AFDN: variants seen among roughly 807,000 people sequenced by gnomAD.
AFDN encodes the protein afadin, adherens junction formation factor, also known as afadin.
Under a neutral mutation model 216.6 loss-of-function variants are expected in AFDN, and 68 were observed. That is an observed-to-expected ratio of 0.31 (90% confidence interval 0.26 to 0.38). The LOEUF is 0.38. Ranked by LOEUF, AFDN falls within the 10% of genes least tolerant of loss-of-function variation. The probability of loss-of-function intolerance (pLI) is 1.00; values close to 1 mark genes in which losing one functional copy is unlikely to be tolerated. For missense variants in AFDN, 2,136 were observed against 2,342.0 expected, an observed-to-expected ratio of 0.91 and a Z score of 1.82; for synonymous variants, 868 against 853.7, an observed-to-expected ratio of 1.02 and a Z score of -0.29.
At chr6:167,886,748 A>C (rs1384833058) in intron 6 of AFDN, among the ~76,000 whole-genome samples, 1 of 152,226 alleles carries the variant, frequency 6.6e-6, no homozygotes. Flanking sequence ...AGCAGTGTAC[A>C]TAGGGTCTGT....
chr6:167,905,358 G>T (rs772788522), intron 12 of AFDN, among the ~76,000 whole-genome samples: 25 of 152,244 alleles, frequency 1.6e-4, no homozygotes, highest in South Asian at 1.5e-3. Context: ...ACCATCTCAT[G>T]AATAATTGAA....
intron 8 of AFDN, among the ~76,000 whole-genome samples, chr6:167,892,891 G>T (rs1787784356): frequency 6.6e-6 from 1 of 152,142 alleles, no homozygotes; most frequent in Non-Finnish European, 1.5e-5. Context: ...TTGTTACATG[G>T]TTATTAATAC....
intron 7 of AFDN, among the ~76,000 whole-genome samples, chr6:167,889,582 G>GC (rs869223855): frequency 7.1e-6 from 1 of 140,198 alleles, no homozygotes. Context: ...TACAGGCTCC[G>GC]CCCCCATGCC....
chr6:167,900,684 T>G (rs1788829752), intron 11 of AFDN, among the ~76,000 whole-genome samples: 1 of 152,214 alleles, frequency 6.6e-6, no homozygotes, highest in Non-Finnish European at 1.5e-5. Flanking sequence ...AAGGCTTTGA[T>G]TCTACTCACA....
chr6:167,849,159 G>C (rs928878252), intron 1 of AFDN, among the ~76,000 whole-genome samples: 3 of 151,672 alleles, frequency 2.0e-5, no homozygotes, highest in African/African-American at 7.3e-5. Flanking sequence ...AATTGGAGTA[G>C]ATAACGCATA....
In AFDN at chr6:167,846,695, T is replaced by TA. The variant is rs34155210; in HGVS notation, c.106-17846dup. ...TGAAGATTGAAAAAAGTATAATATT[T>TA]AAAAAAAAAACCAAGTTGTTTTTTT... On this transcript the variant is annotated intron_variant, in intron 1 of 33. Transcript: ENST00000683244. Among the ~76,000 whole-genome samples, 935 of 143,914 alleles carry TA rather than the reference T, an allele frequency of 6.5e-3. 17 individuals are homozygous for TA. The highest frequency in any genetic ancestry group is 0.022 in the African/African-American group (883 of 39,266). 94.4% of individuals were successfully genotyped at this position (143,914 alleles called of 152,430 possible).
At chr6:167,868,380 G>T (rs892121654) in intron 2 of AFDN, among the ~76,000 whole-genome samples, 1 of 152,054 alleles carries the variant, frequency 6.6e-6, no homozygotes, top group African/African-American at 2.4e-5. Flanking sequence ...ACCCTCATCT[G>T]GAATCAAATT....
At chr6:167,863,724 G>A (rs1783841831) in intron 1 of AFDN, 1 of 510,026 alleles carries the variant, frequency 2.0e-6, no homozygotes, top group Non-Finnish European at 3.9e-6. Context: ...AGTTGTGAGT[G>A]TCAGCCCACA....
chr6:167,881,295 G>T (rs1334066029), intron 6 of AFDN, among the ~76,000 whole-genome samples: 1 of 152,204 alleles, frequency 6.6e-6, no homozygotes, highest in East Asian at 1.9e-4. Flanking sequence ...GTGATTTGAA[G>T]CTTATGAATA....
At chr6:167,853,732 G>A (rs1782573632) in intron 1 of AFDN, among the ~76,000 whole-genome samples, 2 of 152,048 alleles carry the variant, frequency 1.3e-5, no homozygotes, top group South Asian at 4.1e-4. Flanking sequence ...AGATGCTTAT[G>A]ACACATGCTG....
intron 6 of AFDN, among the ~76,000 whole-genome samples, chr6:167,887,429 T>G (rs1205400995): frequency 6.6e-6 from 1 of 151,766 alleles, no homozygotes; most frequent in East Asian, 1.9e-4. Context: ...AAATTCTTTA[T>G]CTTCTCAGCT....
chr6:167,853,781 T>C (rs1398272938), intron 1 of AFDN, among the ~76,000 whole-genome samples: 1 of 152,088 alleles, frequency 6.6e-6, no homozygotes, highest in Admixed American at 6.6e-5. Flanking sequence ...GTGTATCTTA[T>C]GCATCATGCC....
In AFDN at chr6:167,915,335, G is replaced by A. The variant is rs576279451; in HGVS notation, c.2467G>A (p.Gly823Ser). The A allele has an allele frequency of 3.7e-6, 6 of 1,614,212 alleles. 1 individual carries two copies. The highest frequency in any genetic ancestry group is 2.2e-5 in the East Asian group (1 of 44,884). ...TTCGGGGCTGTGCTCCCATTACTGG[G>A]GTGCGATTATCCGTCAGCAGTTGGG... ...PDSGLCSHYWGAIIRQQLGHI... is the reference protein window; with the variant it reads ...PDSGLCSHYWSAIIRQQLGHI... Residue 823 changes from glycine to serine, a missense_variant, in exon 19 of 34, where the codon GGT (glycine) becomes AGT (serine). By Grantham distance (56) the Gly-to-Ser change is moderately conservative (BLOSUM62 0). This residue lies in a region of AFDN where 817 missense variants were observed against 965.7 expected (regional missense o/e 0.85). Transcript: ENST00000683244.
chr6:167,952,613 T>A, intron 30 of AFDN: 1 of 545,448 alleles, frequency 1.8e-6, no homozygotes, highest in Non-Finnish European at 2.3e-6. Flanking sequence ...TCTGCTGTTG[T>A]AGCACAAAAG....
In AFDN at chr6:167,946,806, T is replaced by C; in HGVS notation, c.3458T>C (p.Leu1153Pro). Reference protein sequence around the residue: ...TQNGSPESPQLPWAEYSEPKK... With the variant: ...TQNGSPESPQPPWAEYSEPKK... ...AATGGGTCTCCTGAGAGTCCTCAGC[T>C]GCCTTGGGCAGAATATAGTGAACCA... Residue 1153 changes from leucine (L) to proline (P), a missense_variant, in exon 27 of 34, where the codon CTG (leucine) becomes CCG (proline). Transcript: ENST00000683244. The C allele has an allele frequency of 1.9e-6, 3 of 1,613,326 alleles. No homozygotes were observed. Among genetic ancestry groups the C allele is most frequent in the South Asian group, 1.1e-5 (1 of 90,764 alleles).
At chr6:167,968,068 A>T (rs1009692580) in intron 32 of AFDN, among the ~76,000 whole-genome samples, 2 of 152,240 alleles carry the variant, frequency 1.3e-5, no homozygotes, top group African/African-American at 4.8e-5. Flanking sequence ...TAAGTCTAAA[A>T]GTTCCGAAAA....
intron 1 of AFDN, among the ~76,000 whole-genome samples, chr6:167,841,497 A>G (rs1781069653): frequency 6.6e-6 from 1 of 152,190 alleles, no homozygotes; most frequent in South Asian, 2.1e-4. Context: ...TACAGGAAAA[A>G]AAAAATACTG....
intron 1 of AFDN, among the ~76,000 whole-genome samples, chr6:167,859,351 A>G (rs762053383): frequency 9.2e-5 from 14 of 151,718 alleles, no homozygotes; most frequent in Admixed American, 2.6e-4. Context: ...GCACAGCTGT[A>G]TTTTTTTTAA....
At chr6:167,847,450 A>G (rs1781823024) in intron 1 of AFDN, among the ~76,000 whole-genome samples, 2 of 151,902 alleles carry the variant, frequency 1.3e-5, no homozygotes. Context: ...CTGATTTCCC[A>G]CCACTGCACT....
Sources: allele counts gnomAD v4.1 joint callset (sites outside exome capture counted in the v4.1 genomes callset), GRCh38; gene constraint gnomAD v4.1.1; regional missense constraint gnomAD v4.1.1; transcripts MANE v1.5; gene names NCBI Gene and HGNC (gene_info 2026-07-23, HGNC 2026-07-21).